Variants in RAD51B observed in about 807,000 individuals in gnomAD.
The protein encoded by RAD51B is DNA repair protein RAD51 homolog 2.
Under a neutral mutation model 42.2 loss-of-function variants are expected in RAD51B, and 38 were observed. The observed-to-expected ratio is 0.90, with a 90% confidence interval of 0.70 to 1.18. The LOEUF (loss-of-function observed/expected upper bound fraction) is 1.18, where lower values mean the gene tolerates loss of function less well. RAD51B is among the 50% of genes most tolerant of loss of function. The probability of loss-of-function intolerance (pLI) is 0.00; values close to 1 mark genes in which losing one functional copy is unlikely to be tolerated. For missense variants in RAD51B, 373 were observed against 400.7 expected (o/e 0.93, Z 0.59); for synonymous variants, 154 against 145.2 (o/e 1.06, Z -0.43).
In RAD51B at chr14:67,979,571, A is replaced by G. The variant is rs17104840; in HGVS notation, c.756+92367A>G. Among the ~76,000 whole-genome samples the G allele has an allele frequency of 4.1e-3, 627 of 152,128 alleles. 8 individuals carry two copies. Among genetic ancestry groups the G allele is most frequent in the African/African-American group, 0.015 (602 of 41,496 alleles). On this transcript the variant is annotated intron_variant, in intron 7 of 10. Transcript: ENST00000471583. The stretch of plus-strand genomic sequence containing the variant: ...CTTTTCCTGTTGACTGATCTCATTT[A>G]CCCTAATCTCACCAATATTTCTCCC...
At chr14:68,082,022 G>A (rs2076919725) in intron 7 of RAD51B, among the ~76,000 whole-genome samples, 1 of 151,654 alleles carries the variant, frequency 6.6e-6, no homozygotes, top group Non-Finnish European at 1.5e-5. Flanking sequence ...GTGCAGTGGT[G>A]CGATCTCGGC....
intron 8 of RAD51B, among the ~76,000 whole-genome samples, chr14:68,340,056 G>T (rs1436174993): frequency 1.1e-4 from 16 of 152,134 alleles, no homozygotes; most frequent in Admixed American, 1.0e-3. Flanking sequence ...ATAGTGCCTG[G>T]CACATGGTTA....
chr14:68,274,527 G>A (rs560817056), intron 7 of RAD51B, among the ~76,000 whole-genome samples: 23 of 152,066 alleles, frequency 1.5e-4, no homozygotes, highest in Non-Finnish European at 2.9e-4. Flanking sequence ...TTGTCTCAAA[G>A]ATATCCTTTT....
chr14:68,495,556 G>A (rs1020529248), intron 10 of RAD51B, among the ~76,000 whole-genome samples: 2 of 152,162 alleles, frequency 1.3e-5, no homozygotes, highest in African/African-American at 4.8e-5. Flanking sequence ...TAACTTGAAG[G>A]GAAACGCAGT....
chr14:68,126,645 G>C (rs558248785), intron 7 of RAD51B, among the ~76,000 whole-genome samples: 1 of 152,304 alleles, frequency 6.6e-6, no homozygotes, highest in South Asian at 2.1e-4. Flanking sequence ...TGCAGCATCT[G>C]TTCCATACCA....
rs1258124972 is a variant in RAD51B, at chr14:68,315,478, G to A, written c.853+23498G>A. On this transcript the variant is annotated intron_variant, in intron 8 of 10. Coordinates refer to ENST00000471583, the MANE Select transcript of RAD51B (RefSeq NM_133510.4). ...TATGTGTAAATAATAAGGTCTGCCA[G>A]CATTAGCAGCTCTCTAGGCCCAAAG... 2.0e-5 allele frequency among the ~76,000 whole-genome samples: 3 copies of A among 152,096 alleles called. No homozygotes were observed. In the East Asian group the frequency reaches 5.8e-4, roughly 29 times the overall value.
intron 8 of RAD51B, among the ~76,000 whole-genome samples, chr14:68,293,887 C>T (rs893612249): frequency 6.6e-6 from 1 of 152,196 alleles, no homozygotes; most frequent in African/African-American, 2.4e-5. Flanking sequence ...TAGCAAAGTT[C>T]TAGACACATA....
chr14:67,855,532 A>G (rs983369692), intron 4 of RAD51B, among the ~76,000 whole-genome samples: 1 of 151,770 alleles, frequency 6.6e-6, no homozygotes, highest in Non-Finnish European at 1.5e-5. Context: ...GAGCCACCGC[A>G]CCCGGCCTAT....
At chr14:68,154,483 A>T (rs931853764) in intron 7 of RAD51B, among the ~76,000 whole-genome samples, 7 of 152,096 alleles carry the variant, frequency 4.6e-5, no homozygotes, top group African/African-American at 2.4e-5. Flanking sequence ...CAGTTTCCTT[A>T]CATGCATGCA....
At chr14:67,893,488 ACAC>A in intron 7 of RAD51B, among the ~76,000 whole-genome samples, 1 of 73,128 alleles carries the variant, frequency 1.4e-5, no homozygotes, top group Admixed American at 1.1e-4. Context: ...ACACACACAC[ACAC>A]ACACACACAC....
At chr14:68,011,558 C>T (rs142428491) in intron 7 of RAD51B, among the ~76,000 whole-genome samples, 208 of 152,162 alleles carry the variant, frequency 1.4e-3, no homozygotes, top group African/African-American at 4.7e-3. Context: ...GAAGTGTTCA[C>T]TGAGCAGCAT....
intron 10 of RAD51B, among the ~76,000 whole-genome samples, chr14:68,505,172 T>G (rs1323281657): frequency 1.3e-5 from 2 of 152,214 alleles, no homozygotes; most frequent in Non-Finnish European, 2.9e-5. Context: ...GAAGTATAGA[T>G]GGAGGGAGCA....
rs887613743 is a variant in RAD51B at position 68,139,558 on chromosome 14, G to C, written c.757-152326G>C. Among the ~76,000 whole-genome samples the C allele has an allele frequency of 4.6e-5, 7 of 152,286 alleles. No individual in the cohort carries two copies. The East Asian group carries it at 1.3e-3, about 29-fold the overall frequency. On this transcript the variant is annotated intron_variant, in intron 7 of 10. Transcript: ENST00000471583. The stretch of plus-strand genomic sequence containing the variant: ...CAGAACTGGAAGAAGCCCTGAAAGG[G>C]ATAAATTACCTAAGGGGTGGCAGTG...
chr14:68,157,053 C>A (rs2078527498), intron 7 of RAD51B, among the ~76,000 whole-genome samples: 1 of 152,014 alleles, frequency 6.6e-6, no homozygotes, highest in Non-Finnish European at 1.5e-5. Flanking sequence ...AAAAATTAGC[C>A]AGGTGTGGTG....
intron 7 of RAD51B, among the ~76,000 whole-genome samples, chr14:68,021,292 C>T (rs1180184197): frequency 6.6e-6 from 1 of 152,190 alleles, no homozygotes; most frequent in Non-Finnish European, 1.5e-5. Context: ...GATGCCTTCA[C>T]ACGAGGATCA....
At chr14:68,063,868 G>A (rs1190303114) in intron 7 of RAD51B, among the ~76,000 whole-genome samples, 1 of 152,116 alleles carries the variant, frequency 6.6e-6, no homozygotes, top group Non-Finnish European at 1.5e-5. Context: ...TTACATTCAA[G>A]GTTATTATTT....
intron 10 of RAD51B, among the ~76,000 whole-genome samples, chr14:68,488,039 A>G (rs1265732060): frequency 6.6e-6 from 1 of 152,130 alleles, no homozygotes; most frequent in Non-Finnish European, 1.5e-5. Flanking sequence ...TTGCTAAGCT[A>G]GGTGGGGAGG....
rs931527109 is a variant in RAD51B, at chr14:68,313,927, G to A, written c.853+21947G>A. Among the ~76,000 whole-genome samples the A allele has an allele frequency of 2.3e-4, 24 of 103,334 alleles. 1 individual carries two copies. The highest frequency in any genetic ancestry group is 6.7e-4 in the African/African-American group (24 of 35,898). 67.8% of individuals were successfully genotyped at this position (103,334 alleles called of 152,430 possible). On this transcript the variant is annotated intron_variant, in intron 8 of 10. Transcript: ENST00000471583. ...GGCTATCTTGAAATCTAGGAGGAAG[G>A]AGCTAAAGACCCCGTGGCCTCTGAT...
intron 10 of RAD51B, among the ~76,000 whole-genome samples, chr14:68,608,657 C>G (rs981082285): frequency 2.0e-5 from 3 of 152,176 alleles, no homozygotes; most frequent in African/African-American, 7.2e-5. Context: ...CATCACAGTT[C>G]CCGGGCATGA....
Sources: allele counts gnomAD v4.1 joint callset (sites outside exome capture counted in the v4.1 genomes callset), GRCh38; gene constraint gnomAD v4.1.1; transcripts MANE v1.5; gene names NCBI Gene and HGNC (gene_info 2026-07-23, HGNC 2026-07-21).